Variants in RASGRP4 observed in about 807,000 individuals in gnomAD.
RASGRP4 encodes the protein RAS guanyl-releasing protein 4.
Under a neutral mutation model 84.4 loss-of-function variants are expected in RASGRP4, and 52 were observed. The ratio of observed to expected loss-of-function variants is 0.62; its 90% CI spans 0.49 to 0.78. The LOEUF (loss-of-function observed/expected upper bound fraction) is 0.78. Ranked by LOEUF, RASGRP4 falls within the 30% of genes least tolerant of loss-of-function variation. The pLI is 0.00. For missense variants in RASGRP4, 760 were observed against 886.9 expected (o/e 0.86, Z 1.82); for synonymous variants, 356 against 359.1 (o/e 0.99, Z 0.10).
At chr19:38,420,344 T>A in intron 4 of RASGRP4, 82 bp from the exon 5 acceptor site, 1 of 1,482,608 alleles carries the variant, frequency 6.7e-7, no homozygotes, top group South Asian at 1.3e-5. Context: ...GAGGAATTTC[T>A]AGGTGCTGAG....
rs918518881 is a variant in RASGRP4, at chr19:38,426,127, C to T, written c.-36G>A. 2.3e-6 allele frequency: 3 copies of T among 1,314,760 alleles called. No individual in the cohort carries two copies. In the East Asian group the frequency reaches 8.5e-5, roughly 37 times the overall value. 81.4% of individuals were successfully genotyped at this position (1,314,760 alleles called of 1,614,324 possible). ...TGGGGTGAGGAGGCCGGGGGTCTTG[C>T]AAGAGTAGGGCTCAGCTCCTCCCCT... On this transcript the variant is annotated 5_prime_UTR_variant, in exon 1 of 17. Coordinates refer to ENST00000615439, the MANE Select transcript of RASGRP4 (RefSeq NM_170604.3).
chr19:38,417,265 G>T lies in RASGRP4; in HGVS notation c.838-97C>A, dbSNP rs1295407114. 29 of 769,504 alleles carry T rather than the reference G, an allele frequency of 3.8e-5. No homozygotes were observed. The highest frequency in any genetic ancestry group is 9.0e-6 in the Non-Finnish European group (4 of 443,582). 47.7% of individuals were successfully genotyped at this position (769,504 alleles called of 1,614,324 possible). On this transcript the variant is annotated intron_variant, in intron 7 of 16. Coordinates refer to ENST00000615439, the MANE Select transcript of RASGRP4 (RefSeq NM_170604.3). This position sits in a 1 kb window ranked among gnomAD's most constrained non-coding sequence, Gnocchi z 5.1. ...CCAGTTGAGGTGGGGTCCCAGGCAT[G>T]TGTGGACCAATGTGGGGATCAGACA... is the stretch of plus-strand genomic sequence containing the variant.
At chr19:38,421,538 AC>A (rs1301112493) in intron 2 of RASGRP4, among the ~76,000 whole-genome samples, 2 of 151,888 alleles carry the variant, frequency 1.3e-5, no homozygotes, top group Non-Finnish European at 2.9e-5. Context: ...ATGGTGAAAC[AC>A]CGTTTCTACT....
In RASGRP4 at chr19:38,412,876, C is replaced by G; in HGVS notation, c.1535+55G>C. 1 of 1,612,892 alleles carries G rather than the reference C, an allele frequency of 6.2e-7. No homozygotes were observed. Among genetic ancestry groups the G allele is most frequent in the Non-Finnish European group, 8.5e-7 (1 of 1,179,072 alleles). On this transcript the variant is annotated intron_variant, in intron 12 of 16. Coordinates refer to ENST00000615439, the MANE Select transcript of RASGRP4 (RefSeq NM_170604.3). This position sits in a 1 kb window ranked among gnomAD's most constrained non-coding sequence, Gnocchi z 4.6. The stretch of plus-strand genomic sequence containing the variant: ...CCCAACGTCCTCCAGACCCAGGAGT[C>G]CAGGCAACCCCAGTGTCCTCATCTT...
chr19:38,424,961 G>A lies in RASGRP4; in HGVS notation c.23+1108C>T, dbSNP rs535975999. Among the ~76,000 whole-genome samples, 26 of 152,108 alleles carry A rather than the reference G, an allele frequency of 1.7e-4. 1 individual carries two copies. The South Asian group carries it at 5.4e-3, about 32-fold the overall frequency. On this transcript the variant is annotated intron_variant, in intron 1 of 16. Transcript: ENST00000615439. ...AGCACTTTGGGAGGCCGAGGTGGGT[G>A]GATCACGAGGTCAAGAGATCGAGAC...
Position 38,411,342 on chromosome 19 carries a change from C to T in RASGRP4, c.1717+3G>A, listed in dbSNP as rs954773051. 6.2e-7 allele frequency: 1 copy of T among 1,603,850 alleles called. No individual in the cohort carries two copies. The highest frequency in any genetic ancestry group is 1.3e-5 in the African/African-American group (1 of 74,788). On this transcript the variant is annotated splice_donor_region_variant and intron_variant, in intron 14 of 16. Coordinates refer to ENST00000615439, the MANE Select transcript of RASGRP4 (RefSeq NM_170604.3). ...CCCTCCCACTCACTGACACCCCACTCACCCCGACAGCGGTAGCCTTGCTTG... is the reference window on the plus strand; with the variant it reads ...CCCTCCCACTCACTGACACCCCACTTACCCCGACAGCGGTAGCCTTGCTTG...
At chr19:38,420,671 G>A (rs952948379) in intron 4 of RASGRP4, among the ~76,000 whole-genome samples, 21 of 150,714 alleles carry the variant, frequency 1.4e-4, no homozygotes, top group African/African-American at 4.6e-4. Flanking sequence ...GCACCAGCTA[G>A]GAGGGTCTAT....
At chr19:38,422,858 C>A (rs1328532263) in intron 1 of RASGRP4, among the ~76,000 whole-genome samples, 1 of 152,054 alleles carries the variant, frequency 6.6e-6, no homozygotes, top group Admixed American at 6.5e-5. Flanking sequence ...ATCCCCACCC[C>A]CTTCCACAAA....
chr19:38,423,838 AAATAAT>A (rs935327802), intron 1 of RASGRP4, among the ~76,000 whole-genome samples: 3 of 151,620 alleles, frequency 2.0e-5, no homozygotes, highest in Non-Finnish European at 4.4e-5. Context: ...CTTAGTCTCA[AAATAAT>A]AATAATAATA....
Position 38,417,117 on chromosome 19 carries a change from G to C in RASGRP4, c.889C>G (p.Leu297Val). Residue 297 changes from leucine (L) to valine (V), a missense_variant, in exon 8 of 17, where the codon CTG (leucine) becomes GTG (valine). Physicochemically the swap from Leu to Val is conservative, Grantham distance 32. Transcript: ENST00000615439. This position sits in a 1 kb window ranked among gnomAD's most constrained non-coding sequence, Gnocchi z 5.1. ...AGTCTGGAGATGGCACTGTGACACA[G>C]GCCCCCTGTGACTGCCATCAGCGTG... ...FNTLMAVTGG[L>V]CHSAISRLKD... The C allele has an allele frequency of 3.2e-6, 5 of 1,564,708 alleles. No homozygotes were observed. Among genetic ancestry groups the C allele is most frequent in the Non-Finnish European group, 4.3e-6 (5 of 1,154,440 alleles).
rs1162993259 is a variant in RASGRP4 at position 38,411,124 on chromosome 19, C to A, written c.1843G>T (p.Ala615Ser). The A allele has an allele frequency of 1.2e-6, 2 of 1,613,554 alleles. No individual in the cohort carries two copies. Among genetic ancestry groups the A allele is most frequent in the Non-Finnish European group, 1.7e-6 (2 of 1,179,702 alleles). The change falls in exon 15 of 17, where the codon GCC becomes TCC. Residue 615 changes from alanine to serine, a missense_variant. Physicochemically the swap from Ala to Ser is moderately conservative, Grantham distance 99. Transcript: ENST00000615439. Reference sequence around the variant, plus strand: ...GTGCTCTAGGTCTTACCACAGCTGGCATGGGGAGCTGGTGTGGATGGGACA... The same window carrying A: ...GTGCTCTAGGTCTTACCACAGCTGGAATGGGGAGCTGGTGTGGATGGGACA... Reference protein sequence around the residue: ...APVPSTPAPHASCGSEENHSY... With the variant: ...APVPSTPAPHSSCGSEENHSY...
intron 1 of RASGRP4, among the ~76,000 whole-genome samples, chr19:38,423,625 T>A (rs1355034110): frequency 6.7e-6 from 1 of 149,780 alleles, no homozygotes; most frequent in Non-Finnish European, 1.5e-5. Context: ...TCACTTGAGG[T>A]CAGGAGTTCG....
chr19:38,420,392 G>T, intron 4 of RASGRP4, 130 bp from the exon 5 acceptor site: 1 of 1,055,994 alleles, frequency 9.5e-7, no homozygotes, highest in Non-Finnish European at 1.3e-6. Context: ...GTCCCTGGAG[G>T]GTTGGGGTTT....
chr19:38,419,645 G>A lies in RASGRP4; in HGVS notation c.663+215C>T, dbSNP rs576753194. Among the ~76,000 whole-genome samples, 307 of 152,306 alleles carry A rather than the reference G, an allele frequency of 2.0e-3. 1 individual carries two copies. The highest frequency in any genetic ancestry group is 3.9e-3 in the Non-Finnish European group (264 of 68,028). Reference sequence around the variant, plus strand: ...GATGGGGTTTCACCATGTTGGCCAGGCTGGTCTCAAACTCCTGACCTCAGG... The same window carrying A: ...GATGGGGTTTCACCATGTTGGCCAGACTGGTCTCAAACTCCTGACCTCAGG... On this transcript the variant is annotated intron_variant, in intron 6 of 16. Coordinates refer to ENST00000615439, the MANE Select transcript of RASGRP4 (RefSeq NM_170604.3).
intron 6 of RASGRP4, among the ~76,000 whole-genome samples, chr19:38,419,494 G>A (rs1299819507): frequency 6.6e-6 from 1 of 152,162 alleles, no homozygotes; most frequent in Non-Finnish European, 1.5e-5. Flanking sequence ...GTGCAGTGGT[G>A]TGATCTCAGC....
rs138421217 is a variant in RASGRP4, at chr19:38,424,138, G to C, written c.23+1931C>G. Among the ~76,000 whole-genome samples the C allele has an allele frequency of 2.6e-5, 4 of 151,438 alleles. No homozygotes were observed. The East Asian group carries it at 7.8e-4, about 30-fold the overall frequency. ...TTTTCTTTCTTTCTTTCTTTTTTTGGAGACAGGGTCTCACTCTGTCACCCA... is the reference window on the plus strand; with the variant it reads ...TTTTCTTTCTTTCTTTCTTTTTTTGCAGACAGGGTCTCACTCTGTCACCCA... On this transcript the variant is annotated intron_variant, in intron 1 of 16. Transcript: ENST00000615439.
Position 38,412,083 on chromosome 19 carries a change from TTTG to T in RASGRP4, c.1680+586_1680+588del, listed in dbSNP as rs56791891. Among the ~76,000 whole-genome samples, 35,932 of 128,404 alleles carry T rather than the reference TTTG, an allele frequency of 0.28. 5,025 individuals are homozygous for T. The highest frequency in any genetic ancestry group is 0.35 in the Middle Eastern group (99 of 286). 84.2% of individuals were successfully genotyped at this position (128,404 alleles called of 152,430 possible). A position where few individuals can be genotyped will look rare whatever the true frequency, so the allele number is the denominator to read the frequency against. On this transcript the variant is annotated intron_variant, in intron 13 of 16. Coordinates refer to ENST00000615439, the MANE Select transcript of RASGRP4 (RefSeq NM_170604.3). The surrounding 1 kb of genome is among the most constrained non-coding windows in gnomAD (Gnocchi z 4.6). ...CTACCCGGTTTGGAGATTATCCAGG[TTTG>T]TTGTTGTTGTTGTTGTTGTTGTTGT...
At position 38,409,143 on chromosome 19, in the gene RASGRP4, TG is replaced by T. The variant is rs34348646; in HGVS notation, c.*896del. ...GGGGTGTTGGGGTTTGTGAAGGGGT[TG>T]GGGGGGTCTCTGCTCCCTGGGACTG... On this transcript the variant is annotated 3_prime_UTR_variant, in exon 17 of 17. Transcript: ENST00000615439. The T allele has an allele frequency of 3.1e-5, 8 of 260,410 alleles. No individual in the cohort carries two copies. The highest frequency in any genetic ancestry group is 2.0e-4 in the East Asian group (2 of 9,866). 16.1% of individuals were successfully genotyped at this position (260,410 alleles called of 1,614,324 possible).
At chr19:38,423,776 G>A (rs917050778) in intron 1 of RASGRP4, among the ~76,000 whole-genome samples, 1 of 152,116 alleles carries the variant, frequency 6.6e-6, no homozygotes, top group South Asian at 2.1e-4. Flanking sequence ...GGCGGAGGTT[G>A]CAGTGAGCCG....
Sources: gnomAD v4.1 joint callset for allele counts (sites outside exome capture counted in the v4.1 genomes callset) on GRCh38, gnomAD v4.1.1 for gene constraint, Gnocchi (gnomAD v3.1) non-coding constraint, MANE v1.5 for transcripts, NCBI Gene and HGNC (gene_info 2026-07-23, HGNC 2026-07-21) for gene names.